TAFA2: variants seen among roughly 807,000 people sequenced by gnomAD.
The protein encoded by TAFA2 is TAFA chemokine like family member 2.
TAFA2 carries 7 observed loss-of-function variants against 18.8 expected under a neutral mutation model. That is an observed-to-expected ratio of 0.37 (90% CI 0.21 to 0.70). TAFA2 has a LOEUF of 0.70. Ranked by LOEUF, TAFA2 falls within the 30% of genes least tolerant of loss-of-function variation. The probability of loss-of-function intolerance (pLI) is 0.53; values close to 1 mark genes in which losing one functional copy is unlikely to be tolerated. For missense variants in TAFA2, 122 were observed against 158.1 expected (o/e 0.77, Z 1.23); for synonymous variants, 60 against 54.2 (o/e 1.11, Z -0.47).
intron 1 of TAFA2, among the ~76,000 whole-genome samples, chr12:62,127,928 A>G (rs1444207706): frequency 6.6e-6 from 1 of 152,032 alleles, no homozygotes; most frequent in Non-Finnish European, 1.5e-5. Context: ...TCACATTTTT[A>G]GTGTCTGTAA....
intron 1 of TAFA2, among the ~76,000 whole-genome samples, chr12:61,911,560 C>T (rs1876614329): frequency 6.6e-6 from 1 of 152,128 alleles, no homozygotes; most frequent in African/African-American, 2.4e-5. Context: ...GAGGAACAGG[C>T]ACTGAAGATC....
intron 2 of TAFA2, among the ~76,000 whole-genome samples, chr12:61,767,947 A>C (rs547723823): frequency 6.6e-6 from 1 of 152,154 alleles, no homozygotes; most frequent in African/African-American, 2.4e-5. Flanking sequence ...AAATTCACTT[A>C]TGATGTGAAA....
At chr12:62,236,617 C>T (rs756718555) in intron 1 of TAFA2, among the ~76,000 whole-genome samples, 16 of 152,312 alleles carry the variant, frequency 1.1e-4, no homozygotes, top group Non-Finnish European at 2.2e-4. Flanking sequence ...TTGAAGAACT[C>T]CCTTCAGTAT....
At chr12:61,895,563 G>C (rs1473146231) in intron 1 of TAFA2, among the ~76,000 whole-genome samples, 1 of 152,134 alleles carries the variant, frequency 6.6e-6, no homozygotes, top group Non-Finnish European at 1.5e-5. Flanking sequence ...TAAAGAGTTG[G>C]AGAGAACAGT....
chr12:62,234,333 T>C (rs544090402), intron 1 of TAFA2: 2 of 530,400 alleles, frequency 3.8e-6, no homozygotes, highest in East Asian at 4.7e-5. Context: ...GCCTCTCCTC[T>C]GAGCAGTTGC....
rs114092653 is a variant in TAFA2 at position 61,787,535 on chromosome 12, A to T, written c.107-32511T>A. On this transcript the variant is annotated intron_variant, in intron 2 of 4. Coordinates refer to ENST00000416284, the MANE Select transcript of TAFA2 (RefSeq NM_178539.5). Reference sequence around the variant, plus strand: ...GTTAAGGAACACAAAATATATATAGATGTAAATTAAAGCAACAAAAATGTA... The same window carrying T: ...GTTAAGGAACACAAAATATATATAGTTGTAAATTAAAGCAACAAAAATGTA... 5.0e-3 allele frequency among the ~76,000 whole-genome samples: 765 copies of T among 151,826 alleles called. 4 individuals carry two copies. The highest frequency in any genetic ancestry group is 0.018 in the African/African-American group (737 of 41,500).
At chr12:61,843,947 T>G (rs1873296404) in intron 2 of TAFA2, among the ~76,000 whole-genome samples, 1 of 152,052 alleles carries the variant, frequency 6.6e-6, no homozygotes, top group Non-Finnish European at 1.5e-5. Flanking sequence ...TGAAACTGAG[T>G]CAATATGGTT....
intron 1 of TAFA2, chr12:62,021,605 C>A (rs1881142527): frequency 3.9e-6 from 4 of 1,037,530 alleles, no homozygotes; most frequent in Non-Finnish European, 6.1e-6. Flanking sequence ...GCAGGCGGTT[C>A]TGGCTTCCCA....
intron 1 of TAFA2, among the ~76,000 whole-genome samples, chr12:62,172,972 T>C (rs1440705129): frequency 2.0e-5 from 3 of 152,202 alleles, no homozygotes; most frequent in African/African-American, 7.2e-5. Context: ...AATGAGGATA[T>C]TGATACTGAT....
chr12:62,199,743 T>C (rs113482620), intron 1 of TAFA2, among the ~76,000 whole-genome samples: 13 of 152,300 alleles, frequency 8.5e-5, no homozygotes, highest in African/African-American at 2.4e-4. Flanking sequence ...TATAATAGAA[T>C]GATTGATGTT....
intron 1 of TAFA2, among the ~76,000 whole-genome samples, chr12:62,175,336 C>A (rs756766177): frequency 6.6e-6 from 1 of 152,142 alleles, no homozygotes; most frequent in Non-Finnish European, 1.5e-5. Flanking sequence ...GGCTACTTCT[C>A]TGGGCCTTGG....
chr12:61,716,501 G>C (rs1343442636), intron 4 of TAFA2, among the ~76,000 whole-genome samples: 1 of 151,770 alleles, frequency 6.6e-6, no homozygotes. Flanking sequence ...TGTTCCATTT[G>C]CTAGTCTACA....
At chr12:61,834,775 T>C (rs1002481716) in intron 2 of TAFA2, among the ~76,000 whole-genome samples, 2 of 152,072 alleles carry the variant, frequency 1.3e-5, no homozygotes, top group Non-Finnish European at 1.5e-5. Context: ...ATTATTGGAC[T>C]GGATTATTTT....
chr12:62,168,326 T>A (rs1316851054), intron 1 of TAFA2, among the ~76,000 whole-genome samples: 1 of 152,188 alleles, frequency 6.6e-6, no homozygotes, highest in African/African-American at 2.4e-5. Context: ...CTATGAAATA[T>A]TCTTGCCCAA....
intron 2 of TAFA2, among the ~76,000 whole-genome samples, chr12:61,801,630 A>G (rs1249422140): frequency 6.6e-6 from 1 of 152,140 alleles, no homozygotes; most frequent in African/African-American, 2.4e-5. Flanking sequence ...AAAGACTTAA[A>G]TGTAAGCCAT....
chr12:61,874,351 T>G (rs1288113926), intron 1 of TAFA2, among the ~76,000 whole-genome samples: 2 of 152,140 alleles, frequency 1.3e-5, no homozygotes, highest in African/African-American at 4.8e-5. Flanking sequence ...GTTTGATGTA[T>G]CAGTGTTTTG....
At chr12:62,201,538 G>C (rs1451815444) in intron 1 of TAFA2, among the ~76,000 whole-genome samples, 1 of 152,196 alleles carries the variant, frequency 6.6e-6, no homozygotes, top group East Asian at 1.9e-4. Flanking sequence ...GATGAATTAT[G>C]TTTATTGATT....
At chr12:62,094,081 G>C (rs568136253) in intron 1 of TAFA2, among the ~76,000 whole-genome samples, 1 of 152,026 alleles carries the variant, frequency 6.6e-6, no homozygotes, top group East Asian at 1.9e-4. Flanking sequence ...TCTTTTCGGT[G>C]GATATTTTGT....
At chr12:61,947,328 G>T in intron 1 of TAFA2, among the ~76,000 whole-genome samples, 2 of 132,552 alleles carry the variant, frequency 1.5e-5, no homozygotes, top group African/African-American at 2.7e-5. Flanking sequence ...GAGGGGGGAG[G>T]GATAGCATTG....
Sources: gnomAD v4.1 joint callset for allele counts (sites outside exome capture counted in the v4.1 genomes callset) on GRCh38, gnomAD v4.1.1 for gene constraint, MANE v1.5 for transcripts, NCBI Gene and HGNC (gene_info 2026-07-23, HGNC 2026-07-21) for gene names.